ERC2: variants seen among roughly 807,000 people sequenced by gnomAD.
The protein encoded by ERC2 is ELKS/RAB6-interacting/CAST family member 2.
A neutral mutation model predicts 114.8 loss-of-function variants in ERC2; 42 were observed. The observed-to-expected ratio is 0.37, with a 90% CI of 0.29 to 0.47. The LOEUF is 0.47. ERC2 is among the 20% of genes least tolerant of loss of function. The pLI, the probability that ERC2 is intolerant of heterozygous loss-of-function variation, is 0.99. For missense variants in ERC2, 939 were observed against 1,150.7 expected (o/e 0.82, Z 2.66); for synonymous variants, 454 against 425.5 (o/e 1.07, Z -0.82).
At chr3:55,808,701 T>TTATATATATATATATATATA (rs377604698) in intron 14 of ERC2, among the ~76,000 whole-genome samples, 3 of 61,728 alleles carry the variant, frequency 4.9e-5, no homozygotes, top group East Asian at 6.5e-4. Flanking sequence ...TACCATAATT[T>TTATATATATATATATATATA]TATATATATA....
chr3:56,110,638 G>A (rs911147370), intron 6 of ERC2, among the ~76,000 whole-genome samples: 8 of 152,062 alleles, frequency 5.3e-5, no homozygotes, highest in Admixed American at 4.6e-4. Context: ...AAATTATGAT[G>A]GATTTAAGCA....
chr3:55,903,332 T>A (rs1400099635), intron 13 of ERC2, among the ~76,000 whole-genome samples: 1 of 152,206 alleles, frequency 6.6e-6, no homozygotes, highest in Non-Finnish European at 1.5e-5. Context: ...TAAACATAAC[T>A]CTGCATCAAA....
chr3:56,275,785 C>T (rs1459287368), intron 3 of ERC2, among the ~76,000 whole-genome samples: 5 of 152,128 alleles, frequency 3.3e-5, no homozygotes, highest in Non-Finnish European at 7.3e-5. Context: ...TGACTCTATC[C>T]CACAGGAGAC....
chr3:55,548,238 A>G (rs72870408), intron 17 of ERC2, among the ~76,000 whole-genome samples: 1,964 of 152,362 alleles, frequency 0.013, 42 homozygotes, highest in African/African-American at 0.045. Context: ...AACATGCCAC[A>G]TGGGCAATGC....
intron 2 of ERC2, among the ~76,000 whole-genome samples, chr3:56,408,053 C>A (rs2060795373): frequency 6.6e-6 from 1 of 152,176 alleles, no homozygotes; most frequent in Non-Finnish European, 1.5e-5. Flanking sequence ...AAGCGTCACA[C>A]ATTTTATAAT....
intron 17 of ERC2, among the ~76,000 whole-genome samples, chr3:55,597,495 T>C (rs2058202619): frequency 6.6e-6 from 1 of 151,110 alleles, no homozygotes; most frequent in African/African-American, 2.4e-5. Context: ...GCCTAGAAAA[T>C]AGTCCTCATT....
At chr3:55,738,442 A>G (rs558601820) in intron 14 of ERC2, among the ~76,000 whole-genome samples, 3 of 152,204 alleles carry the variant, frequency 2.0e-5, no homozygotes, top group Non-Finnish European at 4.4e-5. Flanking sequence ...GCTTTCGGTC[A>G]TCAAGTAAAC....
intron 14 of ERC2, among the ~76,000 whole-genome samples, chr3:55,877,913 T>G (rs1030839907): frequency 1.3e-5 from 2 of 152,182 alleles, no homozygotes; most frequent in Admixed American, 6.5e-5. Flanking sequence ...CAACGCCCCC[T>G]ACAGTATTAG....
intron 2 of ERC2, among the ~76,000 whole-genome samples, chr3:56,339,138 A>G (rs960739264): frequency 6.6e-6 from 1 of 152,190 alleles, no homozygotes; most frequent in Admixed American, 6.6e-5. Flanking sequence ...CTAATAAGAG[A>G]AAAGTTAATA....
At chr3:56,020,927 T>G (rs1372848773) in intron 7 of ERC2, among the ~76,000 whole-genome samples, 3 of 152,066 alleles carry the variant, frequency 2.0e-5, no homozygotes, top group Non-Finnish European at 4.4e-5. Context: ...AGGGTCAGGG[T>G]CCTACTGGCA....
chr3:55,712,903 G>T (rs1418283510), intron 15 of ERC2, among the ~76,000 whole-genome samples: 2 of 152,036 alleles, frequency 1.3e-5, no homozygotes, highest in African/African-American at 2.4e-5. Flanking sequence ...CATGCATCAA[G>T]GCTCCTTTGA....
At chr3:56,040,594 T>TATATGTATATATAATATATA (rs1491139414) in intron 7 of ERC2, among the ~76,000 whole-genome samples, 2 of 2,676 alleles carry the variant, frequency 7.5e-4, no homozygotes, top group Non-Finnish European at 6.4e-4. Flanking sequence ...TACATATATA[T>TATATGTATATATAATATATA]CTATATATGT....
chr3:56,251,005 C>A (rs999517494), intron 3 of ERC2, among the ~76,000 whole-genome samples: 1 of 152,228 alleles, frequency 6.6e-6, no homozygotes, highest in African/African-American at 2.4e-5. Context: ...TAAGAGACCA[C>A]TTAACACAGG....
intron 14 of ERC2, among the ~76,000 whole-genome samples, chr3:55,866,615 A>G (rs1260089720): frequency 2.0e-5 from 3 of 151,924 alleles, no homozygotes; most frequent in Admixed American, 1.3e-4. Flanking sequence ...ATTTAGGTCT[A>G]TGATCCATTT....
chr3:55,698,074 C>T (rs1292760653), intron 16 of ERC2, among the ~76,000 whole-genome samples: 3 of 151,998 alleles, frequency 2.0e-5, no homozygotes, highest in Non-Finnish European at 4.4e-5. Context: ...TGACACCTCT[C>T]TCCACATTTC....
At chr3:56,324,019 T>C (rs1339273693) in intron 2 of ERC2, among the ~76,000 whole-genome samples, 4 of 152,200 alleles carry the variant, frequency 2.6e-5, no homozygotes, top group African/African-American at 9.7e-5. Context: ...CAACCGTGTG[T>C]TCTGTGGTCT....
At chr3:55,837,576 G>A (rs979051485) in intron 14 of ERC2, among the ~76,000 whole-genome samples, 3 of 140,712 alleles carry the variant, frequency 2.1e-5, no homozygotes, top group Non-Finnish European at 4.6e-5. Flanking sequence ...GACACAGGAA[G>A]GGGAACATCA....
chr3:56,414,205 C>A (rs979853547), intron 2 of ERC2, among the ~76,000 whole-genome samples: 1 of 152,228 alleles, frequency 6.6e-6, no homozygotes, highest in African/African-American at 2.4e-5. Context: ...GCACCTTAAT[C>A]TACTGGGAAC....
At chr3:55,819,174 G>T (rs894814000) in intron 14 of ERC2, among the ~76,000 whole-genome samples, 5 of 152,144 alleles carry the variant, frequency 3.3e-5, no homozygotes, top group African/African-American at 4.8e-5. Flanking sequence ...CCTGGGAAGT[G>T]GTTTGTTAAA....
Sources: allele counts gnomAD v4.1 joint callset (sites outside exome capture counted in the v4.1 genomes callset), GRCh38; gene constraint gnomAD v4.1.1; transcripts MANE v1.5; gene names NCBI Gene and HGNC (gene_info 2026-07-23, HGNC 2026-07-21).